DSCAML1: variants seen among roughly 807,000 people sequenced by gnomAD.
DSCAML1 encodes the protein cell adhesion molecule DSCAML1.
Under a neutral mutation model 200.5 loss-of-function variants are expected in DSCAML1, and 38 were observed. That is an observed-to-expected ratio of 0.19 (90% confidence interval 0.15 to 0.25). The LOEUF is 0.25. DSCAML1 is among the 10% of genes least tolerant of loss of function. The pLI is 1.00. For synonymous variants in DSCAML1, 1,215 were observed against 1,165.0 expected, an observed-to-expected ratio of 1.04 and a Z score of -0.87; for missense variants, 2,223 against 2,858.8, an observed-to-expected ratio of 0.78 and a Z score of 5.07.
At chr11:117,587,253 A>AC (rs111247541) in intron 3 of DSCAML1, among the ~76,000 whole-genome samples, 5,612 of 137,684 alleles carry the variant, frequency 0.041, 344 homozygotes, top group African/African-American at 0.14. Context: ...ATTCTTTCCA[A>AC]CCCCCCCCCA....
intron 3 of DSCAML1, among the ~76,000 whole-genome samples, chr11:117,768,397 G>C (rs1352881091): frequency 3.9e-5 from 6 of 152,180 alleles, no homozygotes; most frequent in African/African-American, 1.4e-4. Flanking sequence ...CAAGATCATA[G>C]TTAGGTGGAT....
chr11:117,449,829 T>C (rs1245526415), intron 20 of DSCAML1, among the ~76,000 whole-genome samples: 1 of 110,506 alleles, frequency 9.0e-6, no homozygotes, highest in African/African-American at 3.9e-5. Flanking sequence ...CTGGAGATGA[T>C]GAAAGAGGCA....
chr11:117,765,639 C>G (rs777606489), intron 3 of DSCAML1, among the ~76,000 whole-genome samples: 2 of 152,148 alleles, frequency 1.3e-5, no homozygotes, highest in African/African-American at 4.8e-5. Flanking sequence ...TGAAAACCTA[C>G]GCATAGAGAA....
chr11:117,635,624 G>A (rs1461813961), intron 3 of DSCAML1, among the ~76,000 whole-genome samples: 3 of 151,882 alleles, frequency 2.0e-5, no homozygotes, highest in African/African-American at 7.3e-5. Flanking sequence ...AAGGAAAAAG[G>A]GAGATCAGAG....
rs2055226658 is a variant in DSCAML1 at position 117,780,297 on chromosome 11, A to AAAGG, written c.364+195_364+196insCCTT. ...GAAAGAAAGAAAGAAAGAAAGAAAG[A>AAAGG]AAGAAAGAGAGAAAGGAGAAAGAAA... On this transcript the variant is annotated intron_variant, in intron 2 of 32. Transcript: ENST00000651296. This position sits in a 1 kb window ranked among gnomAD's most constrained non-coding sequence, Gnocchi z 4.8. 9.4e-6 allele frequency among the ~76,000 whole-genome samples: 1 copy of AAAGG among 106,084 alleles called. No individual in the cohort carries two copies. The highest frequency in any genetic ancestry group is 3.1e-5 in the African/African-American group (1 of 31,904). 69.6% of individuals were successfully genotyped at this position (106,084 alleles called of 152,430 possible).
At chr11:117,684,452 A>AAAAAAAAG (rs2053369130) in intron 3 of DSCAML1, among the ~76,000 whole-genome samples, 3 of 144,624 alleles carry the variant, frequency 2.1e-5, no homozygotes, top group Admixed American at 6.8e-5. Context: ...AAAAAAAAAA[A>AAAAAAAAG]AAAAAAAAGA....
At chr11:117,450,109 G>C (rs911986913) in intron 20 of DSCAML1, among the ~76,000 whole-genome samples, 1 of 152,178 alleles carries the variant, frequency 6.6e-6, no homozygotes, top group Admixed American at 6.5e-5. Context: ...TCCTCCCTCA[G>C]CTTGCTCCAT....
At chr11:117,786,051 G>C (rs550901691) in intron 1 of DSCAML1, among the ~76,000 whole-genome samples, 2 of 152,208 alleles carry the variant, frequency 1.3e-5, no homozygotes, top group African/African-American at 4.8e-5. Context: ...CAAATCCCCT[G>C]ACAGAGATTC....
chr11:117,751,201 T>C (rs1332274082), intron 3 of DSCAML1, among the ~76,000 whole-genome samples: 1 of 152,044 alleles, frequency 6.6e-6, no homozygotes. Flanking sequence ...ATGGAATAAT[T>C]ATATTCTGGA....
chr11:117,689,480 A>G (rs548342915), intron 3 of DSCAML1, among the ~76,000 whole-genome samples: 1 of 152,366 alleles, frequency 6.6e-6, no homozygotes, highest in African/African-American at 2.4e-5. Flanking sequence ...GGTTAGCTAT[A>G]AAGACAAACT....
In DSCAML1 at chr11:117,525,024, C is replaced by G. The variant is rs139126238; in HGVS notation, c.718G>C (p.Gly240Arg). 6.2e-7 allele frequency: 1 copy of G among 1,601,716 alleles called. No homozygotes were observed. The highest frequency in any genetic ancestry group is 1.1e-5 in the South Asian group (1 of 88,960). The change falls in exon 5 of 33, where the codon GGC becomes CGC. Residue 240 changes from glycine (G) to arginine (R), a missense_variant. Physicochemically the swap from Gly to Arg is moderately radical, Grantham distance 125. This residue lies in a region of DSCAML1 where 579 missense variants were observed against 721.5 expected (regional missense o/e 0.80). Coordinates refer to ENST00000651296, the MANE Select transcript of DSCAML1 (RefSeq NM_020693.4). ...GTGCAGGGCAGCTCCACGGTGTGGC[C>G]GGCCCACACTTCCTGGGAGTGGAAG... ...DGFHSQEVWA[G>R]HTVELPCTAS...
intron 3 of DSCAML1, among the ~76,000 whole-genome samples, chr11:117,564,869 G>A (rs1248662298): frequency 6.6e-6 from 1 of 151,964 alleles, no homozygotes; most frequent in African/African-American, 2.4e-5. Context: ...GGGTTCAAGC[G>A]ATTCCACTGC....
chr11:117,467,181 G>A (rs1282886279), intron 16 of DSCAML1, among the ~76,000 whole-genome samples: 1 of 144,518 alleles, frequency 6.9e-6, no homozygotes, highest in Non-Finnish European at 1.5e-5. Flanking sequence ...GCACGCATGC[G>A]CGTGCACACA....
intron 21 of DSCAML1, among the ~76,000 whole-genome samples, chr11:117,440,674 G>A (rs1221268894): frequency 6.6e-6 from 1 of 152,200 alleles, no homozygotes; most frequent in Non-Finnish European, 1.5e-5. Context: ...CACTTTGGGA[G>A]GCTGTGGCAG....
rs1217226397 is a variant in DSCAML1, at chr11:117,498,311, C to T, written c.2359+5534G>A. On this transcript the variant is annotated intron_variant, in intron 11 of 32. Coordinates refer to ENST00000651296, the MANE Select transcript of DSCAML1 (RefSeq NM_020693.4). The surrounding 1 kb of genome is among the most constrained non-coding windows in gnomAD (Gnocchi z 4.0). ...TGTGCCCAGGCTCCACTTACATGCT[C>T]TGCCAACAGCCGTCCCTCAGCTCTA... Among the ~76,000 whole-genome samples, 3 of 152,248 alleles carry T rather than the reference C, an allele frequency of 2.0e-5. No individual in the cohort carries two copies. The highest frequency in any genetic ancestry group is 4.4e-5 in the Non-Finnish European group (3 of 68,036).
At chr11:117,687,426 A>ATTTTAAATTTTTTTTTTTTTTT (rs552784985) in intron 3 of DSCAML1, among the ~76,000 whole-genome samples, 35 of 97,646 alleles carry the variant, frequency 3.6e-4, no homozygotes, top group African/African-American at 1.4e-3. Context: ...ATGCCTGGCT[A>ATTTTAAATTTTTTTTTTTTTTT]TTTTTTTTTT....
intron 3 of DSCAML1, among the ~76,000 whole-genome samples, chr11:117,682,895 G>A (rs1003199756): frequency 7.2e-5 from 11 of 152,190 alleles, no homozygotes; most frequent in African/African-American, 1.9e-4. Flanking sequence ...ACTGAGGCCC[G>A]AAGAGACCAG....
chr11:117,618,801 T>C (rs2051864771), intron 3 of DSCAML1, among the ~76,000 whole-genome samples: 1 of 152,106 alleles, frequency 6.6e-6, no homozygotes, highest in South Asian at 2.1e-4. Context: ...TGGGATCTCT[T>C]GCTACGGAGG....
chr11:117,567,613 G>C (rs914733003), intron 3 of DSCAML1, among the ~76,000 whole-genome samples: 3 of 152,178 alleles, frequency 2.0e-5, no homozygotes, highest in African/African-American at 7.2e-5. Context: ...AAATAAACTA[G>C]AAAATCTAGA....
Sources: gnomAD v4.1 joint callset for allele counts (sites outside exome capture counted in the v4.1 genomes callset) on GRCh38, gnomAD v4.1.1 for gene constraint, gnomAD v4.1.1 regional missense constraint, Gnocchi (gnomAD v3.1) non-coding constraint, MANE v1.5 for transcripts, NCBI Gene and HGNC (gene_info 2026-07-23, HGNC 2026-07-21) for gene names.